UMAD1: variants seen among roughly 807,000 people sequenced by gnomAD.
The protein encoded by UMAD1 is UBAP1-MVB12-associated (UMA) domain containing 1.
A neutral mutation model predicts 6.1 loss-of-function variants in UMAD1; 8 were observed. The ratio of observed to expected loss-of-function variants is 1.30; its 90% confidence interval spans 0.76 to 2.35. UMAD1 has a LOEUF of 2.35. Ranked by LOEUF, UMAD1 falls within the 30% of genes most tolerant of loss-of-function variation. The pLI is 0.00. For synonymous variants in UMAD1, 56 were observed against 31.4 expected, an observed-to-expected ratio of 1.78 and a Z score of -2.61; for missense variants, 130 against 78.4, an observed-to-expected ratio of 1.66 and a Z score of -2.49.
intron 2 of UMAD1, among the ~76,000 whole-genome samples, chr7:7,785,579 G>A (rs1411976559): frequency 4.6e-5 from 7 of 152,226 alleles, no homozygotes; most frequent in Admixed American, 4.6e-4. Context: ...GAAAGAGTAG[G>A]AGAATGGATT....
chr7:7,652,796 A>C (rs1284402676), intron 1 of UMAD1, among the ~76,000 whole-genome samples: 2 of 152,248 alleles, frequency 1.3e-5, no homozygotes, highest in African/African-American at 4.8e-5. Flanking sequence ...ATGGGGAGGA[A>C]GTAGTAAGCC....
intron 3 of UMAD1, among the ~76,000 whole-genome samples, chr7:7,818,290 A>G (rs369670705): frequency 1.3e-4 from 20 of 152,272 alleles, no homozygotes; most frequent in Admixed American, 8.5e-4. Flanking sequence ...AGCTCCATCC[A>G]TGTCCCTGCA....
intron 2 of UMAD1, among the ~76,000 whole-genome samples, chr7:7,781,428 G>T (rs953057540): frequency 6.6e-6 from 1 of 151,674 alleles, no homozygotes; most frequent in Non-Finnish European, 1.5e-5. Context: ...AATCACTGGA[G>T]ATCTTATGAA....
At position 7,877,372 on chromosome 7, in the gene UMAD1, C is replaced by T. The variant is rs1173758640; in HGVS notation, c.248C>T (p.Ala83Val). 5 of 717,368 alleles carry T rather than the reference C, an allele frequency of 7.0e-6. No individual in the cohort carries two copies. The highest frequency in any genetic ancestry group is 4.0e-5 in the Admixed American group (2 of 49,996). 44.4% of individuals were successfully genotyped at this position (717,368 alleles called of 1,614,324 possible). The change falls in exon 4 of 4, where the codon GCC (alanine) becomes GTC (valine). Residue 83 changes from alanine (A) to valine (V), a missense_variant. Coordinates refer to ENST00000682710, the MANE Select transcript of UMAD1 (RefSeq NM_001302348.2). ...ACTCTGGAGAACAGCTCATTAATGGCCGAGCTCCTGAGCGATGTGCCGTTC... is the reference window on the plus strand; with the variant it reads ...ACTCTGGAGAACAGCTCATTAATGGTCGAGCTCCTGAGCGATGTGCCGTTC... ...GQTLENSSLM[A>V]ELLSDVPFTL...
intron 2 of UMAD1, among the ~76,000 whole-genome samples, chr7:7,764,357 G>C (rs1283969551): frequency 2.6e-5 from 4 of 152,104 alleles, no homozygotes; most frequent in Non-Finnish European, 5.9e-5. Flanking sequence ...GAATAGGGGA[G>C]AATTTAATGT....
intron 1 of UMAD1, among the ~76,000 whole-genome samples, chr7:7,649,442 A>T (rs1264641008): frequency 6.6e-6 from 1 of 152,196 alleles, no homozygotes; most frequent in African/African-American, 2.4e-5. Flanking sequence ...GTTACCTTTT[A>T]TAGGTCCCAG....
chr7:7,785,554 C>T (rs1303076125), intron 2 of UMAD1, among the ~76,000 whole-genome samples: 1 of 152,110 alleles, frequency 6.6e-6, no homozygotes, highest in African/African-American at 2.4e-5. Context: ...GGGGCAAAGG[C>T]CAGGTCTGTG....
At chr7:7,673,476 A>G (rs1563108361) in intron 2 of UMAD1, 23 bp downstream of exon 2, 4 of 741,572 alleles carry the variant, frequency 5.4e-6, no homozygotes, top group Middle Eastern at 4.5e-4. Flanking sequence ...AAGAAACAAA[A>G]TAATTAGATG....
intron 2 of UMAD1, among the ~76,000 whole-genome samples, chr7:7,732,930 C>G (rs1781287063): frequency 6.6e-6 from 1 of 152,244 alleles, no homozygotes; most frequent in Middle Eastern, 3.4e-3. Flanking sequence ...CTTAATAGTA[C>G]CACCTGCTAG....
intron 3 of UMAD1, among the ~76,000 whole-genome samples, chr7:7,858,326 A>T (rs1180648462): frequency 6.6e-6 from 1 of 152,240 alleles, no homozygotes; most frequent in Non-Finnish European, 1.5e-5. Context: ...TTTTACCCTC[A>T]GGAGTGAACC....
chr7:7,717,279 A>T, intron 2 of UMAD1, among the ~76,000 whole-genome samples: 1 of 151,330 alleles, frequency 6.6e-6, no homozygotes. Flanking sequence ...CTGGTCTCGA[A>T]CTCCTGACCC....
At chr7:7,792,386 T>C (rs1012980015) in intron 2 of UMAD1, among the ~76,000 whole-genome samples, 1 of 152,216 alleles carries the variant, frequency 6.6e-6, no homozygotes. Flanking sequence ...TATTCCTCTT[T>C]TCTTCATTAT....
At chr7:7,854,714 C>T (rs963958570) in intron 3 of UMAD1, among the ~76,000 whole-genome samples, 1 of 152,172 alleles carries the variant, frequency 6.6e-6, no homozygotes, top group Non-Finnish European at 1.5e-5. Flanking sequence ...GATCTCATGT[C>T]CTCACATTTC....
chr7:7,673,355 C>T lies in UMAD1; in HGVS notation c.-17C>T. The T allele has an allele frequency of 7.8e-7, 1 of 1,284,830 alleles. No homozygotes were observed. The highest frequency in any genetic ancestry group is 1.1e-6 in the Non-Finnish European group (1 of 916,810). 79.6% of individuals were successfully genotyped at this position (1,284,830 alleles called of 1,614,324 possible). ...GCAGCAGCAGCAGCAGCAGCAGCAG[C>T]AGCAGCAGCAGCAGCAATGTTTCAC... On this transcript the variant is annotated 5_prime_UTR_variant, in exon 2 of 4. Coordinates refer to ENST00000682710, the MANE Select transcript of UMAD1 (RefSeq NM_001302348.2).
chr7:7,654,094 G>A (rs778243367), intron 1 of UMAD1, among the ~76,000 whole-genome samples: 18 of 152,148 alleles, frequency 1.2e-4, no homozygotes, highest in Non-Finnish European at 1.9e-4. Flanking sequence ...ATCACTGCTA[G>A]GCTACCCTTC....
intron 3 of UMAD1, among the ~76,000 whole-genome samples, chr7:7,863,469 C>T (rs1421801284): frequency 2.6e-5 from 4 of 152,136 alleles, no homozygotes; most frequent in African/African-American, 4.8e-5. Flanking sequence ...TATGTTGTTT[C>T]GTATAGTACT....
intron 1 of UMAD1, among the ~76,000 whole-genome samples, chr7:7,656,279 C>A (rs1238034577): frequency 6.6e-6 from 1 of 152,028 alleles, no homozygotes; most frequent in Non-Finnish European, 1.5e-5. Flanking sequence ...AAGTCTCTTG[C>A]TGTTAGTAAA....
At chr7:7,807,214 G>A (rs557316199) in intron 3 of UMAD1, among the ~76,000 whole-genome samples, 1 of 152,232 alleles carries the variant, frequency 6.6e-6, no homozygotes, top group East Asian at 1.9e-4. Flanking sequence ...GATGGAAGAA[G>A]GATATTGTCT....
At chr7:7,806,152 T>C (rs1271963930) in intron 3 of UMAD1, among the ~76,000 whole-genome samples, 1 of 152,150 alleles carries the variant, frequency 6.6e-6, no homozygotes, top group East Asian at 1.9e-4. Context: ...ATGTGGTTTC[T>C]CCTACACCAA....
Sources: allele counts gnomAD v4.1 joint callset (sites outside exome capture counted in the v4.1 genomes callset), GRCh38; gene constraint gnomAD v4.1.1; transcripts MANE v1.5; gene names NCBI Gene and HGNC (gene_info 2026-07-23, HGNC 2026-07-21).